RBMS3: variants seen among roughly 807,000 people sequenced by gnomAD.
The protein encoded by RBMS3 is RNA-binding motif, single-stranded-interacting protein 3.
In RBMS3, 27 loss-of-function variants were observed where a neutral mutation model predicts 66.8. That is an observed-to-expected ratio of 0.40 (90% confidence interval 0.30 to 0.56). The LOEUF is 0.56. Ranked by LOEUF, RBMS3 falls within the 20% of genes least tolerant of loss-of-function variation. The pLI, the probability that RBMS3 is intolerant of heterozygous loss-of-function variation, is 0.40. For missense variants in RBMS3, 513 were observed against 549.5 expected, an observed-to-expected ratio of 0.93 and a Z score of 0.66; for synonymous variants, 188 against 183.0, an observed-to-expected ratio of 1.03 and a Z score of -0.22.
At chr3:29,826,970 T>C (rs2149482444) in intron 6 of RBMS3, among the ~76,000 whole-genome samples, 1 of 152,264 alleles carries the variant, frequency 6.6e-6, no homozygotes, top group African/African-American at 2.4e-5. Context: ...AGTTGTTTGG[T>C]TGTACAAGCC....
chr3:29,452,621 A>G (rs1312261138), intron 2 of RBMS3, among the ~76,000 whole-genome samples: 1 of 152,212 alleles, frequency 6.6e-6, no homozygotes, highest in East Asian at 1.9e-4. Flanking sequence ...AAAGCTGGAG[A>G]TAAGAAAGAG....
chr3:29,710,067 A>G (rs768115668), intron 4 of RBMS3, among the ~76,000 whole-genome samples: 31 of 152,328 alleles, frequency 2.0e-4, no homozygotes, highest in Non-Finnish European at 3.8e-4. Flanking sequence ...CATGTGAGCA[A>G]TTGGCATTAC....
rs535955077 is a variant in RBMS3, at chr3:30,009,937, C to T, written c.*6075C>T. 6 of 149,460 alleles carry T rather than the reference C, an allele frequency of 4.0e-5. No homozygotes were observed. The highest frequency in any genetic ancestry group is 5.9e-5 in the Non-Finnish European group (4 of 67,876). 9.3% of individuals were successfully genotyped at this position (149,460 alleles called of 1,614,324 possible). On this transcript the variant is annotated 3_prime_UTR_variant, in exon 15 of 15. Transcript: ENST00000383767. Reference sequence around the variant, plus strand: ...TTTTCAGGAACTGTAAAAATTATTTCAAAAAGATATTTGAAAAAGTTTTCT... The same window carrying T: ...TTTTCAGGAACTGTAAAAATTATTTTAAAAAGATATTTGAAAAAGTTTTCT...
chr3:29,914,341 C>T (rs911847743), intron 10 of RBMS3, among the ~76,000 whole-genome samples: 16 of 151,710 alleles, frequency 1.1e-4, no homozygotes, highest in African/African-American at 2.9e-4. Flanking sequence ...CTTTTCAAGG[C>T]CAGATAAAGA....
chr3:29,741,187 A>G (rs2054626984), intron 5 of RBMS3, among the ~76,000 whole-genome samples: 1 of 152,310 alleles, frequency 6.6e-6, no homozygotes, highest in East Asian at 1.9e-4. Flanking sequence ...AATTCTTCTT[A>G]TTCTCCATAA....
At chr3:29,435,026 A>C in intron 2 of RBMS3, 111 bp downstream of exon 2, 1 of 1,094,808 alleles carries the variant, frequency 9.1e-7, no homozygotes, top group Non-Finnish European at 1.3e-6. Flanking sequence ...AGTGAGGAAG[A>C]CTCTTCTTTA....
chr3:29,756,009 C>G (rs963756351), intron 5 of RBMS3, among the ~76,000 whole-genome samples: 31 of 152,198 alleles, frequency 2.0e-4, no homozygotes, highest in African/African-American at 7.5e-4. Context: ...ATAAACAGCA[C>G]CTACTATTTT....
chr3:29,877,135 T>G (rs1352273057), intron 7 of RBMS3, among the ~76,000 whole-genome samples: 2 of 152,222 alleles, frequency 1.3e-5, no homozygotes, highest in Non-Finnish European at 2.9e-5. Context: ...CTTGATGATA[T>G]GTGTCTGGAA....
intron 4 of RBMS3, among the ~76,000 whole-genome samples, chr3:29,710,757 C>A (rs2053128188): frequency 6.6e-6 from 1 of 152,196 alleles, no homozygotes; most frequent in South Asian, 2.1e-4. Flanking sequence ...CAGTTTAAAT[C>A]ATTACCATTT....
At chr3:29,589,038 T>G (rs2047633231) in intron 4 of RBMS3, among the ~76,000 whole-genome samples, 1 of 152,074 alleles carries the variant, frequency 6.6e-6, no homozygotes, top group Non-Finnish European at 1.5e-5. Context: ...GCATGCATAA[T>G]CTCCACCATT....
At chr3:29,746,604 C>T (rs917008556) in intron 5 of RBMS3, among the ~76,000 whole-genome samples, 2 of 152,102 alleles carry the variant, frequency 1.3e-5, no homozygotes, top group African/African-American at 4.8e-5. Context: ...TGTTTCTTCT[C>T]CTTGCCTCTT....
intron 1 of RBMS3, among the ~76,000 whole-genome samples, chr3:29,296,333 T>C (rs1460313501): frequency 6.6e-6 from 1 of 151,852 alleles, no homozygotes; most frequent in East Asian, 1.9e-4. Context: ...CCAAAGGCTT[T>C]GGAAATCAGA....
intron 12 of RBMS3, among the ~76,000 whole-genome samples, chr3:29,970,146 T>C (rs988194920): frequency 2.6e-5 from 4 of 152,206 alleles, no homozygotes; most frequent in South Asian, 2.1e-4. Context: ...CATGACTTCA[T>C]TGGGCAAAAC....
At chr3:29,451,027 C>T (rs749350398) in intron 2 of RBMS3, among the ~76,000 whole-genome samples, 20 of 151,996 alleles carry the variant, frequency 1.3e-4, no homozygotes, top group African/African-American at 4.1e-4. Context: ...TTGTCTTCAT[C>T]GACTCCCCCA....
intron 5 of RBMS3, among the ~76,000 whole-genome samples, chr3:29,761,330 A>G (rs1436015058): frequency 6.6e-6 from 1 of 152,122 alleles, no homozygotes; most frequent in East Asian, 1.9e-4. Context: ...TCAAAACTGG[A>G]ACTCGTTCCT....
intron 1 of RBMS3, among the ~76,000 whole-genome samples, chr3:29,369,456 C>T (rs1575636013): frequency 6.7e-6 from 1 of 149,094 alleles, no homozygotes; most frequent in Non-Finnish European, 1.5e-5. Flanking sequence ...AGCCAGTGTC[C>T]CCACCTCAGA....
At chr3:29,298,726 G>A (rs2033463159) in intron 1 of RBMS3, among the ~76,000 whole-genome samples, 1 of 151,462 alleles carries the variant, frequency 6.6e-6, no homozygotes, top group Non-Finnish European at 1.5e-5. Context: ...ATGACGTTTT[G>A]TGAAAAAGGG....
chr3:29,621,540 A>G (rs2048864578), intron 4 of RBMS3, among the ~76,000 whole-genome samples: 1 of 152,178 alleles, frequency 6.6e-6, no homozygotes. Flanking sequence ...AGAGAGCCTC[A>G]TTGTATTTTG....
At chr3:29,591,816 G>C (rs1429443730) in intron 4 of RBMS3, among the ~76,000 whole-genome samples, 1 of 152,146 alleles carries the variant, frequency 6.6e-6, no homozygotes, top group Non-Finnish European at 1.5e-5. Context: ...CCGCAGAAAA[G>C]AAGTCACTCC....
Sources: allele counts gnomAD v4.1 joint callset (sites outside exome capture counted in the v4.1 genomes callset), GRCh38; gene constraint gnomAD v4.1.1; transcripts MANE v1.5; gene names NCBI Gene and HGNC (gene_info 2026-07-23, HGNC 2026-07-21).